CSNK1E: variants seen among roughly 807,000 people sequenced by gnomAD.
The protein encoded by CSNK1E is casein kinase I isoform epsilon.
CSNK1E carries 17 observed loss-of-function variants against 46.1 expected under a neutral mutation model. The ratio of observed to expected loss-of-function variants is 0.37; its 90% CI spans 0.25 to 0.55. The LOEUF (loss-of-function observed/expected upper bound fraction) is 0.55. Among genes scored for constraint, CSNK1E ranks in the 20% least tolerant of loss-of-function variants. The probability of loss-of-function intolerance (pLI) is 0.82; values close to 1 mark genes in which losing one functional copy is unlikely to be tolerated. For missense variants in CSNK1E, 386 were observed against 595.4 expected (o/e 0.65, Z 3.66); for synonymous variants, 241 against 242.6 (o/e 0.99, Z 0.06).
At chr22:38,297,265 T>C in intron 7 of CSNK1E, 4 of 662,706 alleles carry the variant, frequency 6.0e-6, no homozygotes, top group South Asian at 1.6e-5. Context: ...CAGTGCCCAA[T>C]GCCCTGTGGT....
rs574640234 is a variant in CSNK1E at position 38,314,062 on chromosome 22, C to G, written c.76+20G>C. 6.2e-7 allele frequency: 1 copy of G among 1,609,976 alleles called. No individual in the cohort carries two copies. Among genetic ancestry groups the G allele is most frequent in the Admixed American group, 1.7e-5 (1 of 60,006 alleles). On this transcript the variant is annotated intron_variant, in intron 2 of 10. Coordinates refer to ENST00000396832, the MANE Select transcript of CSNK1E (RefSeq NM_152221.3). The stretch of plus-strand genomic sequence containing the variant: ...CATGGGCTGGCCCCAGGGGCTCCAG[C>G]TGGAGCTAGGAACACTTACCCAGGT...
intron 1 of CSNK1E, among the ~76,000 whole-genome samples, chr22:38,315,224 A>G (rs2092739026): frequency 6.6e-6 from 1 of 152,242 alleles, no homozygotes; most frequent in Non-Finnish European, 1.5e-5. Flanking sequence ...GGAAGACTGC[A>G]GAGCAGCTGT....
Position 38,303,440 on chromosome 22 carries a change from G to C in CSNK1E, c.77-192C>G, listed in dbSNP as rs2092684094. On this transcript the variant is annotated intron_variant, in intron 2 of 10. Coordinates refer to ENST00000396832, the MANE Select transcript of CSNK1E (RefSeq NM_152221.3). This position sits in a 1 kb window ranked among gnomAD's most constrained non-coding sequence, Gnocchi z 4.7. ...GGGTTCCTGAGGGGAAAGAAGGTCA[G>C]CGCTGTGAGGGACAGAGGTGACACA... Among the ~76,000 whole-genome samples the C allele has an allele frequency of 6.6e-6, 1 of 152,240 alleles. No individual in the cohort carries two copies. Among genetic ancestry groups the C allele is most frequent in the Non-Finnish European group, 1.5e-5 (1 of 68,040 alleles).
intron 7 of CSNK1E, chr22:38,297,760 G>A: frequency 1.0e-6 from 1 of 998,372 alleles, no homozygotes; most frequent in Non-Finnish European, 1.2e-6. Context: ...GGACCCCATG[G>A]CAGGGCCTTT....
At chr22:38,296,199 C>T (rs1026163678) in intron 7 of CSNK1E, 1 of 1,027,730 alleles carries the variant, frequency 9.7e-7, no homozygotes, top group Non-Finnish European at 1.2e-6. Context: ...AAGAAACACA[C>T]AGCAGGGAGC....
intron 7 of CSNK1E, chr22:38,295,483 C>A: frequency 1.5e-6 from 1 of 686,090 alleles, no homozygotes; most frequent in Non-Finnish European, 1.8e-6. Flanking sequence ...AGTTGGGGGC[C>A]TGCTCATGGG....
chr22:38,310,451 A>G (rs1271690147), intron 2 of CSNK1E, among the ~76,000 whole-genome samples: 1 of 152,152 alleles, frequency 6.6e-6, no homozygotes, highest in African/African-American at 2.4e-5. Context: ...AGGACAGGGG[A>G]TGAAGCCCAC....
At chr22:38,312,301 A>G (rs929250007) in intron 2 of CSNK1E, among the ~76,000 whole-genome samples, 3 of 152,012 alleles carry the variant, frequency 2.0e-5, no homozygotes, top group Admixed American at 1.3e-4. Flanking sequence ...ATGTTGCCCA[A>G]GTTGGTTTCG....
Position 38,317,219 on chromosome 22 carries a change from G to C in CSNK1E, c.-72C>G. On this transcript the variant is annotated 5_prime_UTR_variant, in exon 1 of 11. Transcript: ENST00000396832. ...CGGGGGGCTGCCGCGGGCGGGGGCGGCCCGCCGGGGCGGATGCCGGAGGAT... is the reference window on the plus strand; with the variant it reads ...CGGGGGGCTGCCGCGGGCGGGGGCGCCCCGCCGGGGCGGATGCCGGAGGAT... 6.7e-6 allele frequency: 1 copy of C among 149,896 alleles called. No individual in the cohort carries two copies. The highest frequency in any genetic ancestry group is 2.4e-5 in the African/African-American group (1 of 41,056). The allele number at this position is 149,896 out of a possible 1,614,324, so 9.3% of individuals were successfully genotyped here.
chr22:38,305,222 C>T lies in CSNK1E; in HGVS notation c.77-1974G>A, dbSNP rs116736456. Among the ~76,000 whole-genome samples the T allele has an allele frequency of 6.0e-3, 892 of 149,694 alleles. 5 individuals are homozygous for T. The highest frequency in any genetic ancestry group is 0.028 in the Middle Eastern group (8 of 288). On this transcript the variant is annotated intron_variant, in intron 2 of 10. Transcript: ENST00000396832. The stretch of plus-strand genomic sequence containing the variant: ...AGACTGGACAATACAGATTTAAACA[C>T]GAAAGAAAGGAAAAAGATTAAATGT...
intron 2 of CSNK1E, among the ~76,000 whole-genome samples, chr22:38,306,873 C>G (rs2092701010): frequency 6.6e-6 from 1 of 152,180 alleles, no homozygotes; most frequent in South Asian, 2.1e-4. Context: ...TAAAAAATAA[C>G]AACACAACAA....
At chr22:38,302,223 G>A (rs375086489) in intron 4 of CSNK1E, among the ~76,000 whole-genome samples, 2 of 138,796 alleles carry the variant, frequency 1.4e-5, no homozygotes, top group Non-Finnish European at 3.1e-5. Flanking sequence ...CAGGCCAGAC[G>A]TGGTGGATCA....
chr22:38,300,204 C>T lies in CSNK1E; in HGVS notation c.566-139G>A, dbSNP rs974858897. ...TGTTGCTCACTGCACGCATTTTAAACAGGCACTGCTATTATCCTCCTCCTA... is the reference window on the plus strand; with the variant it reads ...TGTTGCTCACTGCACGCATTTTAAATAGGCACTGCTATTATCCTCCTCCTA... On this transcript the variant is annotated intron_variant, in intron 5 of 10. Coordinates refer to ENST00000396832, the MANE Select transcript of CSNK1E (RefSeq NM_152221.3). The surrounding 1 kb of genome is among the most constrained non-coding windows in gnomAD (Gnocchi z 4.4). The T allele has an allele frequency of 3.2e-5, 23 of 727,598 alleles. No individual in the cohort carries two copies. In the Admixed American group the frequency reaches 3.4e-4, roughly 11 times the overall value. The allele number at this position is 727,598 out of a possible 1,614,324, so 45.1% of individuals were successfully genotyped here.
At chr22:38,316,253 G>C (rs911028977) in intron 1 of CSNK1E, among the ~76,000 whole-genome samples, 2 of 152,296 alleles carry the variant, frequency 1.3e-5, no homozygotes, top group East Asian at 3.9e-4. Flanking sequence ...CCCTGAGCCG[G>C]GGCCCTTGTC....
intron 4 of CSNK1E, among the ~76,000 whole-genome samples, chr22:38,302,138 G>T (rs772282362): frequency 2.0e-5 from 3 of 152,150 alleles, no homozygotes; most frequent in Non-Finnish European, 2.9e-5. Flanking sequence ...GAGAGGTTCG[G>T]CGTTCACCTA....
chr22:38,297,524 T>C, intron 7 of CSNK1E: 1 of 1,011,174 alleles, frequency 9.9e-7, no homozygotes, highest in Middle Eastern at 4.9e-4. Flanking sequence ...CGACCTTGGC[T>C]TCCAGGAGAA....
At position 38,298,698 on chromosome 22, in the gene CSNK1E, C is replaced by A. The variant is rs2092654630; in HGVS notation, c.885+88G>T. The A allele has an allele frequency of 2.1e-5, 31 of 1,506,348 alleles. 1 individual carries two copies. In the South Asian group the frequency reaches 3.3e-4, roughly 16 times the overall value. 93.3% of individuals were successfully genotyped at this position (1,506,348 alleles called of 1,614,324 possible). A position where few individuals can be genotyped will look rare whatever the true frequency, so the allele number is the denominator to read the frequency against. ...TCGTACCTCCCGTCTGTCGGGAGCC[C>A]CTCCCGCCACCAGCTCACTCTGGCC... On this transcript the variant is annotated intron_variant, in intron 7 of 10. Coordinates refer to ENST00000396832, the MANE Select transcript of CSNK1E (RefSeq NM_152221.3). This position sits in a 1 kb window ranked among gnomAD's most constrained non-coding sequence, Gnocchi z 4.2.
Position 38,298,051 on chromosome 22 carries a change from A to G in CSNK1E, c.885+735T>C, listed in dbSNP as rs1292284577. ...GCTCAGCCTCTTGCGCTCACTGGTC[A>G]AGTGGCAAATTTTGGAAAAGCCAGA... On this transcript the variant is annotated intron_variant, in intron 7 of 10. Coordinates refer to ENST00000396832, the MANE Select transcript of CSNK1E (RefSeq NM_152221.3). This position sits in a 1 kb window ranked among gnomAD's most constrained non-coding sequence, Gnocchi z 4.2. 7 of 1,171,874 alleles carry G rather than the reference A, an allele frequency of 6.0e-6. No individual in the cohort carries two copies. The highest frequency in any genetic ancestry group is 7.6e-6 in the Non-Finnish European group (7 of 923,274). The allele number at this position is 1,171,874 out of a possible 1,614,324, so 72.6% of individuals were successfully genotyped here.
rs765297262 is a variant in CSNK1E at position 38,298,764 on chromosome 22, C to T, written c.885+22G>A. 1.3e-5 allele frequency: 21 copies of T among 1,613,698 alleles called. No individual in the cohort carries two copies. In the Admixed American group the frequency reaches 1.5e-4, roughly 12 times the overall value. ...TTCCCCATCCAGTCCCCCAAGCCCG[C>T]CTTGGCCTCCAGGTGACTCACGAAT... On this transcript the variant is annotated intron_variant, in intron 7 of 10. Coordinates refer to ENST00000396832, the MANE Select transcript of CSNK1E (RefSeq NM_152221.3). This position sits in a 1 kb window ranked among gnomAD's most constrained non-coding sequence, Gnocchi z 4.2.
Sources: allele counts gnomAD v4.1 joint callset (sites outside exome capture counted in the v4.1 genomes callset), GRCh38; gene constraint gnomAD v4.1.1; non-coding constraint Gnocchi (gnomAD v3.1); transcripts MANE v1.5; gene names NCBI Gene and HGNC (gene_info 2026-07-23, HGNC 2026-07-21).